FAM149B1: variants seen among roughly 807,000 people sequenced by gnomAD.
The protein encoded by FAM149B1 is family with sequence similarity 149 member B1, also known as primary cilium assembly protein FAM149B1.
Under a neutral mutation model 75.3 loss-of-function variants are expected in FAM149B1, and 56 were observed. The observed-to-expected ratio is 0.74, with a 90% confidence interval of 0.60 to 0.93. FAM149B1 has a LOEUF of 0.93. Among genes scored for constraint, FAM149B1 ranks in the 40% least tolerant of loss-of-function variants. The pLI is 0.00. For synonymous variants in FAM149B1, 259 were observed against 256.1 expected (o/e 1.01, Z -0.11); for missense variants, 639 against 708.4 (o/e 0.90, Z 1.11).
Position 73,200,467 on chromosome 10 carries a change from CCA to C in FAM149B1, c.542+6877_542+6878del, listed in dbSNP as rs373652816. ...AATGCAAAAACTGCAGGCTGAAGTA[CCA>C]CATATTGTTGGTACACCAGGGAGAA... On this transcript the variant is annotated intron_variant, in intron 5 of 13. Coordinates refer to ENST00000242505, the MANE Select transcript of FAM149B1 (RefSeq NM_173348.2). The C allele has an allele frequency of 7.8e-4, 479 of 617,964 alleles. No homozygotes were observed. The African/African-American group carries it at 8.0e-3, about 10-fold the overall frequency. 38.3% of individuals were successfully genotyped at this position (617,964 alleles called of 1,614,324 possible).
At position 73,235,223 on chromosome 10, in the gene FAM149B1, A is replaced by C; in HGVS notation, c.1507A>C (p.Ser503Arg). ...CCATGGCGACTCTAGTCGAGCTCAAAGTGCGGTGGTGGATGAACCTAACTA... is the reference window on the plus strand; with the variant it reads ...CCATGGCGACTCTAGTCGAGCTCAACGTGCGGTGGTGGATGAACCTAACTA... Reference protein sequence around the residue: ...KPHGDSSRAQSAVVDEPNYQQ... With the variant: ...KPHGDSSRAQRAVVDEPNYQQ... The change falls in exon 12 of 14, where the codon AGT becomes CGT. Residue 503 changes from serine (S) to arginine (R), a missense_variant. Coordinates refer to ENST00000242505, the MANE Select transcript of FAM149B1 (RefSeq NM_173348.2). 6.4e-6 allele frequency: 10 copies of C among 1,551,754 alleles called. No homozygotes were observed. The highest frequency in any genetic ancestry group is 8.7e-6 in the Non-Finnish European group (10 of 1,146,976).
At position 73,228,177 on chromosome 10, in the gene FAM149B1, C is replaced by A; in HGVS notation, c.1016C>A (p.Ser339Ter). The A allele has an allele frequency of 6.4e-7, 1 of 1,551,592 alleles. No individual in the cohort carries two copies. Among genetic ancestry groups the A allele is most frequent in the Non-Finnish European group, 8.7e-7 (1 of 1,146,930 alleles). ...CAGTCTAAGGTGCTGTACATTACCT[C>A]AAATCCGGTAAGCCCCAGAGGGATC... Reference protein sequence around the residue: ...VPQSKVLYITSNPMSLCQASR... With the variant: ...VPQSKVLYIT The change falls in exon 8 of 14, where the codon TCA becomes TAA. Residue 339 changes from serine to a stop codon, truncating the protein, a stop_gained. Coordinates refer to ENST00000242505, the MANE Select transcript of FAM149B1 (RefSeq NM_173348.2). LOFTEE classifies it high-confidence loss of function.
intron 11 of FAM149B1, 103 bp from the exon 12 acceptor site, chr10:73,235,090 T>C (rs1213238139): frequency 7.6e-6 from 11 of 1,447,466 alleles, no homozygotes; most frequent in Non-Finnish European, 1.0e-5. Flanking sequence ...ATTGGAGCTG[T>C]TTGGCCTGCA....
In FAM149B1 at chr10:73,234,832, C is replaced by T. The variant is rs763027521; in HGVS notation, c.1368C>T (p.Asp456=). ...LRGARVPVAP[D]SLSSPSPTPL... is the part of the protein sequence containing the mutation. ...GGATCTGCAGCCCAGTGGCACCCGA[C>T]TCGCTCTCCTCTCCCTCACCGACGC... The change falls in exon 11 of 14, where the codon GAC becomes GAT. Residue 456 remains aspartate (D), a synonymous_variant. Coordinates refer to ENST00000242505, the MANE Select transcript of FAM149B1 (RefSeq NM_173348.2). The T allele has an allele frequency of 1.3e-5, 20 of 1,551,604 alleles. 1 individual carries two copies. Among genetic ancestry groups the T allele is most frequent in the African/African-American group, 1.1e-4 (8 of 73,146 alleles).
chr10:73,235,826 C>G (rs1283543657), intron 12 of FAM149B1, among the ~76,000 whole-genome samples: 1 of 152,154 alleles, frequency 6.6e-6, no homozygotes, highest in East Asian at 1.9e-4. Context: ...CACCACTGTA[C>G]CCAGCTTAGG....
In FAM149B1 at chr10:73,210,516, G is replaced by A. The variant is rs1443160510; in HGVS notation, c.898+78G>A. Reference sequence around the variant, plus strand: ...CCCTAACCAGTCTATTAGATGATATGCTTCTTAGTGCAAAAGGTGCGTATG... The same window carrying A: ...CCCTAACCAGTCTATTAGATGATATACTTCTTAGTGCAAAAGGTGCGTATG... On this transcript the variant is annotated intron_variant, in intron 7 of 13. Transcript: ENST00000242505. The A allele has an allele frequency of 6.8e-6, 7 of 1,025,102 alleles. No homozygotes were observed. The African/African-American group carries it at 1.1e-4, about 17-fold the overall frequency. The allele number at this position is 1,025,102 out of a possible 1,614,324, so 63.5% of individuals were successfully genotyped here.
At chr10:73,204,186 G>A (rs1360959716) in intron 5 of FAM149B1, among the ~76,000 whole-genome samples, 1 of 152,016 alleles carries the variant, frequency 6.6e-6, no homozygotes, top group African/African-American at 2.4e-5. Context: ...GTGCAGTGGT[G>A]TAATCTCAGC....
chr10:73,239,516 A>T (rs1424409959), intron 13 of FAM149B1, 132 bp downstream of exon 13: 1 of 638,572 alleles, frequency 1.6e-6, no homozygotes, highest in Non-Finnish European at 2.6e-6. Flanking sequence ...CATCTTTGTA[A>T]ATCACCTAAA....
At position 73,234,986 on chromosome 10, in the gene FAM149B1, T is replaced by G. The variant is rs191041721; in HGVS notation, c.1476+46T>G. ...CTCTCCATGTACTTACCATACAACC[T>G]AATGGGCAGTAATTCTGCAGGATCT... On this transcript the variant is annotated intron_variant, in intron 11 of 13. Transcript: ENST00000242505. 1.9e-6 allele frequency: 3 copies of G among 1,540,326 alleles called. No homozygotes were observed. In the African/African-American group the frequency reaches 4.1e-5, roughly 21 times the overall value.
At chr10:73,236,708 G>A (rs995030186) in intron 12 of FAM149B1, among the ~76,000 whole-genome samples, 3 of 150,436 alleles carry the variant, frequency 2.0e-5, no homozygotes, top group Admixed American at 6.6e-5. Context: ...CACTGTACCC[G>A]GCCTTTTTTT....
intron 7 of FAM149B1, among the ~76,000 whole-genome samples, chr10:73,218,642 TAAAC>T (rs1305488688): frequency 1.3e-5 from 2 of 152,166 alleles, no homozygotes; most frequent in Non-Finnish European, 2.9e-5. Flanking sequence ...ATCTTTGAGA[TAAAC>T]CCTTAATCTC....
chr10:73,197,349 TA>T (rs1047423626), intron 5 of FAM149B1, among the ~76,000 whole-genome samples: 3 of 152,150 alleles, frequency 2.0e-5, no homozygotes, highest in African/African-American at 7.2e-5. Context: ...TTACATTTTT[TA>T]AAAAACGACA....
chr10:73,198,989 G>A (rs997276629), intron 5 of FAM149B1, among the ~76,000 whole-genome samples: 4 of 151,972 alleles, frequency 2.6e-5, no homozygotes, highest in Admixed American at 6.6e-5. Context: ...TTAGAGATGC[G>A]GAACTCTACT....
chr10:73,195,369 T>A (rs1409411934), intron 5 of FAM149B1, among the ~76,000 whole-genome samples: 2 of 152,214 alleles, frequency 1.3e-5, no homozygotes, highest in Non-Finnish European at 2.9e-5. Context: ...TCATTAGGCA[T>A]TCTTTTTAAA....
At chr10:73,201,395 GTGAGGAAAA>G (rs1434803231) in intron 5 of FAM149B1, among the ~76,000 whole-genome samples, 7 of 152,200 alleles carry the variant, frequency 4.6e-5, no homozygotes, top group Admixed American at 2.0e-4. Flanking sequence ...GTGAGCTCTT[GTGAGGAAAA>G]TCATTGGCTT....
chr10:73,234,879 T>C lies in FAM149B1; in HGVS notation c.1415T>C (p.Leu472Pro). Residue 472 changes from leucine to proline, a missense_variant, in exon 11 of 14, where the codon CTA becomes CCA. Physicochemically the swap from Leu to Pro is moderately conservative, Grantham distance 98. Transcript: ENST00000242505. ...ACGCCCCTGAGTCGAAATAATCTGC[T>C]ACCACCTATTGGCACAGCTGAAGTG... ...SPTPLSRNNL[L>P]PPIGTAEVEH... 3.2e-6 allele frequency: 5 copies of C among 1,551,910 alleles called. No individual in the cohort carries two copies. Among genetic ancestry groups the C allele is most frequent in the Non-Finnish European group, 4.4e-6 (5 of 1,147,040 alleles).
rs1416886207 is a variant in FAM149B1 at position 73,242,692 on chromosome 10, T to C, written c.*1673T>C. 6.6e-6 allele frequency: 1 copy of C among 152,224 alleles called. No homozygotes were observed. Among genetic ancestry groups the C allele is most frequent in the Non-Finnish European group, 1.5e-5 (1 of 68,034 alleles). 9.4% of individuals were successfully genotyped at this position (152,224 alleles called of 1,614,324 possible). A position where few individuals can be genotyped will look rare whatever the true frequency, so the allele number is the denominator to read the frequency against. On this transcript the variant is annotated 3_prime_UTR_variant, in exon 14 of 14. Coordinates refer to ENST00000242505, the MANE Select transcript of FAM149B1 (RefSeq NM_173348.2). ...CAGGACTACAACATACATCTCTTCATGCTAGGGAAACCAGGCTCTCTATTA... is the reference window on the plus strand; with the variant it reads ...CAGGACTACAACATACATCTCTTCACGCTAGGGAAACCAGGCTCTCTATTA...
At chr10:73,177,110 G>A (rs981123927) in intron 2 of FAM149B1, among the ~76,000 whole-genome samples, 1 of 149,614 alleles carries the variant, frequency 6.7e-6, no homozygotes, top group Admixed American at 6.7e-5. Flanking sequence ...AAGCTAAAGT[G>A]GGAGAATCAC....
In FAM149B1 at chr10:73,235,340, A is replaced by G. The variant is rs146810397; in HGVS notation, c.1602+22A>G. 5.0e-3 allele frequency: 7,788 copies of G among 1,551,132 alleles called. 30 individuals carry two copies. The highest frequency in any genetic ancestry group is 9.1e-3 in the Middle Eastern group (49 of 5,414). ...TTTGGTAGAGTGACGTACTTCCTAGAATGGTCTTGATAGTTGGGGAAAGAA... is the reference window on the plus strand; with the variant it reads ...TTTGGTAGAGTGACGTACTTCCTAGGATGGTCTTGATAGTTGGGGAAAGAA... On this transcript the variant is annotated intron_variant, in intron 12 of 13. Coordinates refer to ENST00000242505, the MANE Select transcript of FAM149B1 (RefSeq NM_173348.2).
Sources: gnomAD v4.1 joint callset for allele counts (sites outside exome capture counted in the v4.1 genomes callset) on GRCh38, gnomAD v4.1.1 for gene constraint, MANE v1.5 for transcripts, NCBI Gene and HGNC (gene_info 2026-07-23, HGNC 2026-07-21) for gene names.